Variants in ZMYM4 observed in about 807,000 individuals in gnomAD.
ZMYM4 encodes the protein zinc finger MYM-type protein 4.
Under a neutral mutation model 183.2 loss-of-function variants are expected in ZMYM4, and 31 were observed. The ratio of observed to expected loss-of-function variants is 0.17; its 90% confidence interval spans 0.13 to 0.23. The LOEUF (loss-of-function observed/expected upper bound fraction) is 0.23, where lower values mean the gene tolerates loss of function less well. Ranked by LOEUF, ZMYM4 falls within the 10% of genes least tolerant of loss-of-function variation. The probability of loss-of-function intolerance (pLI) is 1.00; values close to 1 mark genes in which losing one functional copy is unlikely to be tolerated. For synonymous variants in ZMYM4, 592 were observed against 631.2 expected, an observed-to-expected ratio of 0.94 and a Z score of 0.93; for missense variants, 1,273 against 1,840.3, an observed-to-expected ratio of 0.69 and a Z score of 5.64.
chr1:35,419,763 C>CAAGAGGACTTAGACTTA lies in ZMYM4; in HGVS notation c.*86_*87insAAGAGGACTTAGACTTA. The CAAGAGGACTTAGACTTA allele has an allele frequency of 7.4e-7, 1 of 1,359,432 alleles. No individual in the cohort carries two copies. The highest frequency in any genetic ancestry group is 1.0e-6 in the Non-Finnish European group (1 of 972,452). 84.2% of individuals were successfully genotyped at this position (1,359,432 alleles called of 1,614,324 possible). On this transcript the variant is annotated 3_prime_UTR_variant, in exon 30 of 30. Coordinates refer to ENST00000314607, the MANE Select transcript of ZMYM4 (RefSeq NM_005095.3). Reference sequence around the variant, plus strand: ...AGCTGTTGGAAAATGATGTATAAGTCTAAGTCCTCTTGACTTGACCATAAG... The same window carrying CAAGAGGACTTAGACTTA: ...AGCTGTTGGAAAATGATGTATAAGTCAAGAGGACTTAGACTTATAAGTCCTCTTGACTTGACCATAAG...
At chr1:35,379,668 A>G (rs1644410329) in intron 7 of ZMYM4, among the ~76,000 whole-genome samples, 2 of 152,240 alleles carry the variant, frequency 1.3e-5, no homozygotes, top group Non-Finnish European at 2.9e-5. Flanking sequence ...TGCCTTCCTC[A>G]CTAAGAGTAA....
chr1:35,398,235 C>G (rs1035675353), intron 20 of ZMYM4, among the ~76,000 whole-genome samples, 178 bp from the exon 21 acceptor site: 1 of 152,182 alleles, frequency 6.6e-6, no homozygotes, highest in African/African-American at 2.4e-5. Context: ...CAGTGGTAAT[C>G]TGTTTAACTG....
intron 15 of ZMYM4, 113 bp from the exon 16 acceptor site, chr1:35,392,099 C>A: frequency 7.2e-7 from 1 of 1,392,338 alleles, no homozygotes; most frequent in South Asian, 1.3e-5. Context: ...TGACTTTTTG[C>A]TCCAACAGAA....
At chr1:35,384,345 A>C (rs1374535947) in intron 9 of ZMYM4, among the ~76,000 whole-genome samples, 1 of 152,212 alleles carries the variant, frequency 6.6e-6, no homozygotes, top group East Asian at 1.9e-4. Flanking sequence ...GCATATATTC[A>C]CTTTACTGTG....
chr1:35,311,011 C>T (rs1641770990), intron 1 of ZMYM4, among the ~76,000 whole-genome samples: 1 of 152,206 alleles, frequency 6.6e-6, no homozygotes, highest in Non-Finnish European at 1.5e-5. Flanking sequence ...GTATACGCTT[C>T]TATCACCCCA....
chr1:35,401,223 A>G (rs1165153422), intron 23 of ZMYM4, among the ~76,000 whole-genome samples: 1 of 152,182 alleles, frequency 6.6e-6, no homozygotes, highest in Non-Finnish European at 1.5e-5. Context: ...TCCAAAGGAG[A>G]TGTACCATTT....
intron 1 of ZMYM4, among the ~76,000 whole-genome samples, chr1:35,283,360 C>T (rs1190615083): frequency 5.9e-5 from 5 of 84,214 alleles, no homozygotes; most frequent in South Asian, 4.2e-4. Flanking sequence ...TTTTTTGAGA[C>T]GGAGTCTTGC....
chr1:35,360,767 A>G (rs563018787), intron 3 of ZMYM4, among the ~76,000 whole-genome samples: 5 of 152,154 alleles, frequency 3.3e-5, no homozygotes, highest in African/African-American at 9.6e-5. Flanking sequence ...AGGGATTCTT[A>G]GAAGAGAGAT....
intron 5 of ZMYM4, among the ~76,000 whole-genome samples, chr1:35,363,868 A>G (rs1431767514): frequency 6.6e-6 from 1 of 152,186 alleles, no homozygotes; most frequent in African/African-American, 2.4e-5. Context: ...CAGATCTTGT[A>G]TCTCTTCTCC....
intron 23 of ZMYM4, among the ~76,000 whole-genome samples, chr1:35,400,757 T>G (rs556819288): frequency 2.2e-4 from 33 of 152,230 alleles, no homozygotes; most frequent in Non-Finnish European, 4.0e-4. Context: ...TATGACCTTT[T>G]GCAGTCAGCC....
At chr1:35,335,777 CTT>C (rs1249355084) in intron 2 of ZMYM4, among the ~76,000 whole-genome samples, 1 of 152,024 alleles carries the variant, frequency 6.6e-6, no homozygotes, top group African/African-American at 2.4e-5. Context: ...CACGGTGAAA[CTT>C]TGTCTCTACT....
rs879740611 is a variant in ZMYM4 at position 35,276,248 on chromosome 1, CTCCCTCCCTCCCTCCT to C, written c.39+7179_39+7194del. Among the ~76,000 whole-genome samples the C allele has an allele frequency of 8.4e-3, 1,237 of 147,480 alleles. 16 individuals are homozygous for C. The highest frequency in any genetic ancestry group is 0.031 in the Middle Eastern group (9 of 288). ...CTCATCTAACTACTCATTTCTGTCC[CTCCCTCCCTCCCTCCT>C]TCCCTCCCTCCCTCCCTTCTTTCTT... On this transcript the variant is annotated intron_variant, in intron 1 of 29. Coordinates refer to ENST00000314607, the MANE Select transcript of ZMYM4 (RefSeq NM_005095.3).
At chr1:35,405,241 A>T (rs201299337) in intron 24 of ZMYM4, 47 bp downstream of exon 24, 1 of 1,600,972 alleles carries the variant, frequency 6.2e-7, no homozygotes, top group East Asian at 2.2e-5. Context: ...AGGGGGAAAT[A>T]TACAGATAAT....
intron 2 of ZMYM4, among the ~76,000 whole-genome samples, chr1:35,347,258 C>T (rs370741506): frequency 6.6e-6 from 1 of 152,202 alleles, no homozygotes; most frequent in Non-Finnish European, 1.5e-5. Context: ...CCACCGGCCT[C>T]GGCCTCCCAA....
intron 1 of ZMYM4, among the ~76,000 whole-genome samples, chr1:35,315,945 A>T (rs566154): frequency 2.6e-5 from 4 of 151,924 alleles, no homozygotes; most frequent in African/African-American, 7.3e-5. Flanking sequence ...AAAAATTATT[A>T]TTATTTTTTA....
At chr1:35,345,081 ATGGTAGCCAC>A (rs900962631) in intron 2 of ZMYM4, among the ~76,000 whole-genome samples, 2 of 152,200 alleles carry the variant, frequency 1.3e-5, no homozygotes, top group Non-Finnish European at 2.9e-5. Flanking sequence ...CAGTTAAAGT[ATGGTAGCCAC>A]TGGCACCTGT....
intron 1 of ZMYM4, among the ~76,000 whole-genome samples, chr1:35,298,665 C>T (rs947544327): frequency 1.3e-5 from 2 of 152,212 alleles, no homozygotes; most frequent in East Asian, 1.9e-4. Flanking sequence ...TGGAGCAAGC[C>T]GGCTAGAGAA....
rs1023088867 is a variant in ZMYM4 at position 35,421,945 on chromosome 1, T to C, written c.*2268T>C. 1 of 152,220 alleles carries C rather than the reference T, an allele frequency of 6.6e-6. No homozygotes were observed. Among genetic ancestry groups the C allele is most frequent in the African/African-American group, 2.4e-5 (1 of 41,456 alleles). 9.4% of individuals were successfully genotyped at this position (152,220 alleles called of 1,614,324 possible). On this transcript the variant is annotated 3_prime_UTR_variant, in exon 30 of 30. Coordinates refer to ENST00000314607, the MANE Select transcript of ZMYM4 (RefSeq NM_005095.3). ...AATAAAATAGTATATTTGTATTTGA[T>C]GGGTGAGTTCTTCTTCTTTACGTCT...
In ZMYM4 at chr1:35,419,634, C is replaced by A; in HGVS notation, c.4604C>A (p.Ala1535Asp). 2.5e-6 allele frequency: 4 copies of A among 1,614,052 alleles called. No individual in the cohort carries two copies. In the South Asian group the frequency reaches 4.4e-5, roughly 18 times the overall value. Residue 1535 changes from alanine to aspartate, a missense_variant, in exon 30 of 30, where the codon GCC becomes GAC. Around this residue, in one of 6 missense-constraint regions of ZMYM4, gnomAD observed 145 missense variants for 331.6 expected, o/e 0.44. Transcript: ENST00000314607. Reference sequence around the variant, plus strand: ...GTGAGGGAGGTACATGAAGAACTTGCCAAAGCCAAATCTGAAGACTCTGAT... The same window carrying A: ...GTGAGGGAGGTACATGAAGAACTTGACAAAGCCAAATCTGAAGACTCTGAT... ...LMVREVHEEL[A>D]KAKSEDSDVE...
Sources: allele counts gnomAD v4.1 joint callset (sites outside exome capture counted in the v4.1 genomes callset), GRCh38; gene constraint gnomAD v4.1.1; regional missense constraint gnomAD v4.1.1; transcripts MANE v1.5; gene names NCBI Gene and HGNC (gene_info 2026-07-23, HGNC 2026-07-21).